The following NCMAP variants were observed in gnomAD, a reference collection of about 807,000 sequenced individuals.
NCMAP encodes noncompact myelin-associated protein.
NCMAP carries 8 observed loss-of-function variants against 7.8 expected under a neutral mutation model. That is an observed-to-expected ratio of 1.02 (90% CI 0.60 to 1.84). The LOEUF is 1.84. Among genes scored for constraint, NCMAP ranks in the 40% most tolerant of loss-of-function variants. The pLI, the probability that NCMAP is intolerant of heterozygous loss-of-function variation, is 0.00. For synonymous variants in NCMAP, 41 were observed against 52.9 expected (o/e 0.78, Z 0.98); for missense variants, 112 against 131.4 (o/e 0.85, Z 0.72).
chr1:24,596,834 C>A (rs777199227), intron 2 of NCMAP, among the ~76,000 whole-genome samples: 2 of 152,060 alleles, frequency 1.3e-5, no homozygotes, highest in Non-Finnish European at 2.9e-5. Flanking sequence ...CTAGTGGCCC[C>A]GGAAGGAAAA....
rs370927682 is a variant in NCMAP, at chr1:24,588,686, C to T, written c.-7-6738C>T. Among the ~76,000 whole-genome samples the T allele has an allele frequency of 5.9e-5, 9 of 152,324 alleles. No individual in the cohort carries two copies. In the South Asian group the frequency reaches 1.7e-3, roughly 28 times the overall value. ...GACCTGCCATCACTTCCCAAACTCG[C>T]CTCCCACACAGGCCTTTGTAAACAA... On this transcript the variant is annotated intron_variant, in intron 1 of 3. Coordinates refer to ENST00000374392, the MANE Select transcript of NCMAP (RefSeq NM_001010980.5).
chr1:24,593,852 G>A (rs1057402325), intron 1 of NCMAP, among the ~76,000 whole-genome samples: 4 of 147,712 alleles, frequency 2.7e-5, no homozygotes, highest in East Asian at 2.0e-4. Flanking sequence ...CTATAGTTCA[G>A]AGCGATTATT....
intron 3 of NCMAP, among the ~76,000 whole-genome samples, chr1:24,604,052 A>G (rs1314993110): frequency 3.9e-5 from 6 of 152,240 alleles, no homozygotes; most frequent in Non-Finnish European, 8.8e-5. Context: ...GCAAGAGATC[A>G]AATTCACAGC....
chr1:24,580,242 T>C (rs1409465044), intron 1 of NCMAP, among the ~76,000 whole-genome samples: 1 of 152,184 alleles, frequency 6.6e-6, no homozygotes, highest in Non-Finnish European at 1.5e-5. Flanking sequence ...ACATTCTTAA[T>C]TGTATTTAAG....
chr1:24,560,674 G>C (rs767111696), intron 1 of NCMAP, among the ~76,000 whole-genome samples: 14 of 151,984 alleles, frequency 9.2e-5, no homozygotes, highest in Non-Finnish European at 1.8e-4. Flanking sequence ...AGCCCAGGAG[G>C]TTGAGGCTGT....
intron 3 of NCMAP, among the ~76,000 whole-genome samples, chr1:24,602,569 CAAAAAAAAAAAAA>C (rs10630961): frequency 5.0e-5 from 2 of 40,064 alleles, no homozygotes; most frequent in East Asian, 7.7e-4. Flanking sequence ...GACTCCATCT[CAAAAAAAAAAAAA>C]AAAAAAAAAA....
chr1:24,566,338 G>A (rs987335971), intron 1 of NCMAP, among the ~76,000 whole-genome samples: 2 of 152,182 alleles, frequency 1.3e-5, no homozygotes, highest in Non-Finnish European at 2.9e-5. Flanking sequence ...CTTCAAGGGA[G>A]TGGAGAAATG....
At position 24,581,879 on chromosome 1, in the gene NCMAP, C is replaced by CCCCT. The variant is rs1213345228; in HGVS notation, c.-7-13545_-7-13544insCCCT. 5.9e-5 allele frequency among the ~76,000 whole-genome samples: 9 copies of CCCCT among 152,330 alleles called. No homozygotes were observed. In the East Asian group the frequency reaches 1.7e-3, roughly 29 times the overall value. On this transcript the variant is annotated intron_variant, in intron 1 of 3. Coordinates refer to ENST00000374392, the MANE Select transcript of NCMAP (RefSeq NM_001010980.5). ...GAGTTAACTAGGCAAATAAATCCCACAGATGGGATAGAATTCTGGCTGGCA... is the reference window on the plus strand; with the variant it reads ...GAGTTAACTAGGCAAATAAATCCCACCCCTAGATGGGATAGAATTCTGGCTGGCA...
chr1:24,566,600 G>A (rs1651234567), intron 1 of NCMAP, among the ~76,000 whole-genome samples: 1 of 152,170 alleles, frequency 6.6e-6, no homozygotes, highest in South Asian at 2.1e-4. Flanking sequence ...ACTTTATTCT[G>A]TAGCAAGTTG....
At chr1:24,590,968 C>G (rs566403764) in intron 1 of NCMAP, among the ~76,000 whole-genome samples, 1 of 152,290 alleles carries the variant, frequency 6.6e-6, no homozygotes, top group East Asian at 1.9e-4. Flanking sequence ...AGAGGCAGTT[C>G]GTTTTACAGA....
At chr1:24,573,891 C>T (rs571708932) in intron 1 of NCMAP, among the ~76,000 whole-genome samples, 5 of 142,172 alleles carry the variant, frequency 3.5e-5, no homozygotes, top group Middle Eastern at 3.6e-3. Flanking sequence ...GTGGACTAGA[C>T]GGGGAAGATC....
intron 1 of NCMAP, among the ~76,000 whole-genome samples, chr1:24,565,072 T>C (rs1391118736): frequency 6.6e-6 from 1 of 151,648 alleles, no homozygotes; most frequent in Non-Finnish European, 1.5e-5. Flanking sequence ...GCAAGAACTG[T>C]GGGAAGTCAG....
chr1:24,601,076 C>G lies in NCMAP; in HGVS notation c.167+52C>G. On this transcript the variant is annotated intron_variant, in intron 3 of 3. Coordinates refer to ENST00000374392, the MANE Select transcript of NCMAP (RefSeq NM_001010980.5). Reference sequence around the variant, plus strand: ...GCCTGGACGGTCCCTTCAGTGACATCAGAATAAATGGGAGGTGATATATGG... The same window carrying G: ...GCCTGGACGGTCCCTTCAGTGACATGAGAATAAATGGGAGGTGATATATGG... 4 of 1,421,244 alleles carry G rather than the reference C, an allele frequency of 2.8e-6. No individual in the cohort carries two copies. The South Asian group carries it at 3.4e-5, about 12-fold the overall frequency. 88.0% of individuals were successfully genotyped at this position (1,421,244 alleles called of 1,614,324 possible).
intron 1 of NCMAP, among the ~76,000 whole-genome samples, chr1:24,573,969 A>AG (rs1651470484): frequency 7.3e-6 from 1 of 136,782 alleles, no homozygotes; most frequent in Admixed American, 7.0e-5. Context: ...AAAAAAAAAA[A>AG]AACAGAAAAA....
chr1:24,593,544 C>G (rs1049701655), intron 1 of NCMAP, among the ~76,000 whole-genome samples: 6 of 152,032 alleles, frequency 3.9e-5, no homozygotes, highest in African/African-American at 1.4e-4. Flanking sequence ...TAAACATTTG[C>G]TAAATGTGAA....
intron 2 of NCMAP, among the ~76,000 whole-genome samples, chr1:24,599,819 G>GCCC (rs59282200): frequency 2.1e-5 from 1 of 47,772 alleles, no homozygotes; most frequent in Non-Finnish European, 3.7e-5. Context: ...CTCGTGATCC[G>GCCC]CCCCCCCCCC....
intron 1 of NCMAP, among the ~76,000 whole-genome samples, chr1:24,565,864 C>T (rs988128907): frequency 2.6e-5 from 4 of 152,062 alleles, no homozygotes; most frequent in African/African-American, 7.3e-5. Flanking sequence ...ATCATAGTCC[C>T]CTTAATCCCC....
chr1:24,596,982 G>C (rs1652251379), intron 2 of NCMAP, among the ~76,000 whole-genome samples: 1 of 152,138 alleles, frequency 6.6e-6, no homozygotes, highest in Non-Finnish European at 1.5e-5. Context: ...ACAGCTTCAG[G>C]CTGTGGTTCT....
At chr1:24,564,738 CAG>C (rs1651171725) in intron 1 of NCMAP, among the ~76,000 whole-genome samples, 2 of 152,034 alleles carry the variant, frequency 1.3e-5, no homozygotes, top group East Asian at 1.9e-4. Context: ...ACATAGGTAT[CAG>C]GGGGAAATTA....
Sources: allele counts gnomAD v4.1 joint callset (sites outside exome capture counted in the v4.1 genomes callset), GRCh38; gene constraint gnomAD v4.1.1; transcripts MANE v1.5; gene names NCBI Gene and HGNC (gene_info 2026-07-23, HGNC 2026-07-21).